MEIKIN: variants seen among roughly 807,000 people sequenced by gnomAD.
MEIKIN encodes meiosis-specific kinetochore protein.
chr5:131,863,556 CCTTTTTT>C (rs1407420268), intron 9 of MEIKIN, among the ~76,000 whole-genome samples: 5 of 42,000 alleles, frequency 1.2e-4, no homozygotes, highest in South Asian at 7.9e-4. Flanking sequence ...CCTTCTTTGT[CCTTTTTT>C]TTTTTTTTTT....
At chr5:131,815,539 A>C (rs977216838) in intron 12 of MEIKIN, among the ~76,000 whole-genome samples, 3 of 152,294 alleles carry the variant, frequency 2.0e-5, no homozygotes, top group Non-Finnish European at 4.4e-5. Context: ...CCTCCACAGG[A>C]GACTAATTCT....
Position 131,807,124 on chromosome 5 carries a change from G to C in MEIKIN, c.*112C>G. On this transcript the variant is annotated 3_prime_UTR_variant, in exon 13 of 13. Coordinates refer to ENST00000442687, the MANE Select transcript of MEIKIN (RefSeq NM_001303622.2). ...CATAGAGATATATCACAAATAACTG[G>C]AGAATTTTTAATTTTTAATTTCATA... The C allele has an allele frequency of 2.5e-6, 1 of 397,160 alleles. No homozygotes were observed. Among genetic ancestry groups the C allele is most frequent in the East Asian group, 3.6e-5 (1 of 27,952 alleles). The allele number at this position is 397,160 out of a possible 1,614,324, so 24.6% of individuals were successfully genotyped here.
At chr5:131,897,832 G>C (rs1405686513) in intron 8 of MEIKIN, among the ~76,000 whole-genome samples, 1 of 151,986 alleles carries the variant, frequency 6.6e-6, no homozygotes, top group Non-Finnish European at 1.5e-5. Flanking sequence ...GTTTTTCCTT[G>C]CAATAGGTTA....
chr5:131,832,957 C>T (rs1749740193), intron 11 of MEIKIN, among the ~76,000 whole-genome samples: 1 of 152,224 alleles, frequency 6.6e-6, no homozygotes, highest in African/African-American at 2.4e-5. Flanking sequence ...CTTTGGAGAC[C>T]TCCAACATGC....
chr5:131,913,530 C>A (rs191989675), intron 7 of MEIKIN, among the ~76,000 whole-genome samples: 2 of 152,184 alleles, frequency 1.3e-5, no homozygotes, highest in Non-Finnish European at 1.5e-5. Flanking sequence ...GGAGAAGACT[C>A]CTCGCTCCAT....
At chr5:131,915,382 G>A (rs1156640586) in intron 7 of MEIKIN, among the ~76,000 whole-genome samples, 1 of 152,180 alleles carries the variant, frequency 6.6e-6, no homozygotes, top group Non-Finnish European at 1.5e-5. Context: ...GCATGTATCA[G>A]TAAAAATCCA....
chr5:131,924,627 G>A lies in MEIKIN; in HGVS notation c.479-2686C>T, dbSNP rs115025108. Among the ~76,000 whole-genome samples, 1,349 of 152,186 alleles carry A rather than the reference G, an allele frequency of 8.9e-3. 24 individuals are homozygous for A. Among genetic ancestry groups the A allele is most frequent in the African/African-American group, 0.031 (1,282 of 41,518 alleles). On this transcript the variant is annotated intron_variant, in intron 5 of 12. Coordinates refer to ENST00000442687, the MANE Select transcript of MEIKIN (RefSeq NM_001303622.2). ...GCTGGCTATTGCTGCTGCTGCTTTG[G>A]AGAAATATCTATTCAAGTTATTTGT... is the stretch of plus-strand genomic sequence containing the variant.
intron 11 of MEIKIN, among the ~76,000 whole-genome samples, chr5:131,848,497 T>C (rs1750055907): frequency 6.6e-6 from 1 of 152,010 alleles, no homozygotes; most frequent in African/African-American, 2.4e-5. Context: ...AACCAGAATA[T>C]ACCTACAGAA....
At chr5:131,886,990 A>C (rs1334193741) in intron 8 of MEIKIN, among the ~76,000 whole-genome samples, 1 of 102,624 alleles carries the variant, frequency 9.7e-6, no homozygotes, top group East Asian at 3.4e-4. Context: ...CCAGCTCCCC[A>C]TCCCCTGACA....
At chr5:131,849,030 A>C (rs1377983930) in intron 11 of MEIKIN, among the ~76,000 whole-genome samples, 1 of 152,202 alleles carries the variant, frequency 6.6e-6, no homozygotes, top group Non-Finnish European at 1.5e-5. Context: ...TGATAAAAAC[A>C]ATAAACTAGG....
At chr5:131,849,235 G>C (rs932031789) in intron 11 of MEIKIN, among the ~76,000 whole-genome samples, 1 of 151,988 alleles carries the variant, frequency 6.6e-6, no homozygotes, top group Non-Finnish European at 1.5e-5. Context: ...TGCTGTTCTA[G>C]TGGGGGAGTT....
rs1751722084 is a variant in MEIKIN, at chr5:131,933,514, T to C, written c.477A>G (p.Leu159=). The change falls in exon 5 of 13, where the codon TTA becomes TTG. Residue 159 remains leucine, a splice_region_variant and synonymous_variant. Transcript: ENST00000442687. ...TTAAGGTTGGAATTACTTTCTCACC[T>C]AAATAATCTGATTTTCTGAACAGTT... is the stretch of plus-strand genomic sequence containing the variant. ...SPELFRKSDY[L]DWECPNLEEH... The C allele has an allele frequency of 2.5e-6, 1 of 398,594 alleles. No individual in the cohort carries two copies. The highest frequency in any genetic ancestry group is 4.4e-5 in the Admixed American group (1 of 22,710). The allele number at this position is 398,594 out of a possible 1,614,324, so 24.7% of individuals were successfully genotyped here.
At chr5:131,857,417 G>C (rs1365270547) in intron 9 of MEIKIN, among the ~76,000 whole-genome samples, 1 of 152,174 alleles carries the variant, frequency 6.6e-6, no homozygotes, top group Non-Finnish European at 1.5e-5. Flanking sequence ...TACTCTTCTA[G>C]GTGGCTTTAG....
intron 8 of MEIKIN, among the ~76,000 whole-genome samples, chr5:131,892,166 A>T (rs1002671931): frequency 1.3e-5 from 2 of 151,826 alleles, no homozygotes; most frequent in Non-Finnish European, 2.9e-5. Flanking sequence ...CTTCATTTCA[A>T]CTTTGGTGAA....
chr5:131,837,740 G>C (rs2149609675), intron 11 of MEIKIN, among the ~76,000 whole-genome samples: 1 of 152,196 alleles, frequency 6.6e-6, no homozygotes, highest in South Asian at 2.1e-4. Context: ...TTGTTTATTA[G>C]CTTAAGGAGC....
chr5:131,892,909 CTGTT>C (rs1750957150), intron 8 of MEIKIN, among the ~76,000 whole-genome samples: 1 of 152,090 alleles, frequency 6.6e-6, no homozygotes, highest in Non-Finnish European at 1.5e-5. Context: ...GATGTCCTTA[CTGTT>C]TGTTAGTTTT....
intron 11 of MEIKIN, among the ~76,000 whole-genome samples, chr5:131,832,687 T>C (rs1170492312): frequency 6.6e-6 from 1 of 152,228 alleles, no homozygotes; most frequent in East Asian, 1.9e-4. Flanking sequence ...TCTTTTTAAA[T>C]CTAAGAAGAG....
chr5:131,899,542 T>TAAAAAAAAAA (rs398065218), intron 8 of MEIKIN, among the ~76,000 whole-genome samples: 2 of 125,426 alleles, frequency 1.6e-5, no homozygotes, highest in African/African-American at 2.9e-5. Flanking sequence ...TGAATGGATT[T>TAAAAAAAAAA]AAAAAAAAAA....
intron 9 of MEIKIN, among the ~76,000 whole-genome samples, chr5:131,863,562 T>G (rs1750326577): frequency 7.0e-6 from 1 of 143,022 alleles, no homozygotes; most frequent in Non-Finnish European, 1.5e-5. Flanking sequence ...TTGTCCTTTT[T>G]TTTTTTTTTT....
Sources: allele counts gnomAD v4.1 joint callset (sites outside exome capture counted in the v4.1 genomes callset), GRCh38; gene constraint gnomAD v4.1.1; transcripts MANE v1.5; gene names NCBI Gene and HGNC (gene_info 2026-07-23, HGNC 2026-07-21).